MTHFS: variants seen among roughly 807,000 people sequenced by gnomAD.
The protein encoded by MTHFS is 5-formyltetrahydrofolate cyclo-ligase.
In MTHFS, 7 loss-of-function variants were observed where a neutral mutation model predicts 12.7. The ratio of observed to expected loss-of-function variants is 0.55; its 90% CI spans 0.31 to 1.03. The LOEUF is 1.03. MTHFS is among the 50% of genes least tolerant of loss of function. MTHFS has a pLI of 0.05. For synonymous variants in MTHFS, 100 were observed against 97.1 expected, an observed-to-expected ratio of 1.03 and a Z score of -0.18; for missense variants, 252 against 258.1, an observed-to-expected ratio of 0.98 and a Z score of 0.16.
At chr15:79,853,931 G>A (rs1473931218) in intron 2 of MTHFS, among the ~76,000 whole-genome samples, 2 of 152,196 alleles carry the variant, frequency 1.3e-5, no homozygotes, top group African/African-American at 4.8e-5. Flanking sequence ...CTGTGTGCTA[G>A]ACACTGTGCT....
chr15:79,868,701 G>A (rs947854554), intron 2 of MTHFS, among the ~76,000 whole-genome samples: 2 of 152,170 alleles, frequency 1.3e-5, no homozygotes, highest in Non-Finnish European at 2.9e-5. Context: ...CACATTTCCT[G>A]CACAAGGACT....
chr15:79,876,778 C>T (rs552040321), intron 2 of MTHFS: 17 of 152,222 alleles, frequency 1.1e-4, no homozygotes, highest in African/African-American at 3.9e-4. Flanking sequence ...GGCACAATGA[C>T]TCATGCCTAT....
intron 2 of MTHFS, among the ~76,000 whole-genome samples, chr15:79,856,375 T>C (rs2033802845): frequency 6.6e-6 from 1 of 152,234 alleles, no homozygotes; most frequent in East Asian, 1.9e-4. Context: ...GTTTTCTTCT[T>C]GTAAATTTAA....
rs113687001 is a variant in MTHFS, at chr15:79,880,483, T to C, written c.379+8610A>G. ...TGGATCATGTGCTATTATATCTGCA[T>C]TTCTTTGCAATACTATCAGTCATTC... is the stretch of plus-strand genomic sequence containing the variant. On this transcript the variant is annotated intron_variant, in intron 2 of 2. Coordinates refer to ENST00000258874, the MANE Select transcript of MTHFS (RefSeq NM_006441.4). Among the ~76,000 whole-genome samples, 1,244 of 152,214 alleles carry C rather than the reference T, an allele frequency of 8.2e-3. 26 individuals are homozygous for C. The highest frequency in any genetic ancestry group is 0.028 in the African/African-American group (1,172 of 41,540).
intron 2 of MTHFS, among the ~76,000 whole-genome samples, chr15:79,857,170 AT>A (rs1000226566): frequency 1.3e-5 from 2 of 151,266 alleles, no homozygotes; most frequent in Admixed American, 6.6e-5. Flanking sequence ...TAATTTTTAT[AT>A]TTTTTTAGTA....
intron 1 of MTHFS, 157 bp downstream of exon 1, chr15:79,896,715 G>A (rs752317649): frequency 7.8e-7 from 1 of 1,279,942 alleles, no homozygotes; most frequent in Non-Finnish European, 1.0e-6. Flanking sequence ...ACGACTAGGG[G>A]GCGTGCGCGC....
intron 1 of MTHFS, among the ~76,000 whole-genome samples, chr15:79,892,888 T>G (rs1381949520): frequency 1.3e-5 from 2 of 151,630 alleles, no homozygotes; most frequent in African/African-American, 4.9e-5. Flanking sequence ...GAGGCGGAGG[T>G]TGCAGTGAGC....
chr15:79,845,578 A>C (rs2033598693), intron 2 of MTHFS, 136 bp from the exon 3 acceptor site: 1 of 1,250,816 alleles, frequency 8.0e-7, no homozygotes, highest in Non-Finnish European at 1.1e-6. Flanking sequence ...ATATCCAAAA[A>C]GCACAGAGTT....
intron 2 of MTHFS, among the ~76,000 whole-genome samples, chr15:79,846,286 T>C (rs2033614059): frequency 6.6e-6 from 1 of 152,302 alleles, no homozygotes; most frequent in East Asian, 1.9e-4. Context: ...AGTGTCAGCA[T>C]AAGAGCCACA....
At chr15:79,854,565 G>A (rs1281195284) in intron 2 of MTHFS, among the ~76,000 whole-genome samples, 1 of 151,984 alleles carries the variant, frequency 6.6e-6, no homozygotes, top group African/African-American at 2.4e-5. Context: ...ACCAAAATAT[G>A]GTTATTATCA....
intron 2 of MTHFS, among the ~76,000 whole-genome samples, chr15:79,858,482 AC>A (rs2033851216): frequency 1.3e-5 from 2 of 152,292 alleles, no homozygotes; most frequent in South Asian, 4.1e-4. Flanking sequence ...TGTTTGTGTG[AC>A]TTCGGACAAG....
chr15:79,847,024 G>A (rs1408684817), intron 2 of MTHFS, among the ~76,000 whole-genome samples: 1 of 152,210 alleles, frequency 6.6e-6, no homozygotes, highest in Non-Finnish European at 1.5e-5. Context: ...ATGCACGGCA[G>A]CAGTCTCTGC....
chr15:79,860,379 A>G (rs866652950), intron 2 of MTHFS, among the ~76,000 whole-genome samples: 2 of 151,196 alleles, frequency 1.3e-5, no homozygotes, highest in African/African-American at 4.9e-5. Context: ...ACAGAGCGAG[A>G]CTCCATCTCA....
At position 79,851,135 on chromosome 15, in the gene MTHFS, G is replaced by A. The variant is rs544593748; in HGVS notation, c.380-5693C>T. On this transcript the variant is annotated intron_variant, in intron 2 of 2. Coordinates refer to ENST00000258874, the MANE Select transcript of MTHFS (RefSeq NM_006441.4). ...CGACATTGTTTTTCATTCCTGTAAG[G>A]GTTTTCTACTCTTTTTGTTAACTTA... is the stretch of plus-strand genomic sequence containing the variant. Among the ~76,000 whole-genome samples, 4 of 152,110 alleles carry A rather than the reference G, an allele frequency of 2.6e-5. No homozygotes were observed. The East Asian group carries it at 7.7e-4, about 29-fold the overall frequency.
intron 2 of MTHFS, among the ~76,000 whole-genome samples, chr15:79,866,900 G>A (rs2034021324): frequency 6.6e-6 from 1 of 152,058 alleles, no homozygotes; most frequent in Non-Finnish European, 1.5e-5. Flanking sequence ...AGGCTGCAGT[G>A]AGCTGAGATC....
chr15:79,856,306 T>C (rs1047384992), intron 2 of MTHFS, among the ~76,000 whole-genome samples: 2 of 152,224 alleles, frequency 1.3e-5, no homozygotes, highest in African/African-American at 4.8e-5. Flanking sequence ...CTTGGCCATG[T>C]ATATGTCTTC....
intron 2 of MTHFS, among the ~76,000 whole-genome samples, chr15:79,857,423 G>A (rs1033053635): frequency 5.3e-5 from 8 of 152,178 alleles, no homozygotes; most frequent in South Asian, 2.1e-4. Flanking sequence ...TGAAAGTCCT[G>A]CAACCTCTCT....
intron 2 of MTHFS, among the ~76,000 whole-genome samples, chr15:79,847,835 C>A (rs1397607694): frequency 2.0e-5 from 3 of 152,066 alleles, no homozygotes; most frequent in Non-Finnish European, 4.4e-5. Context: ...GTCCAATATC[C>A]AAAAAATAGA....
At chr15:79,858,467 T>G (rs1296603092) in intron 2 of MTHFS, among the ~76,000 whole-genome samples, 1 of 152,170 alleles carries the variant, frequency 6.6e-6, no homozygotes, top group African/African-American at 2.4e-5. Flanking sequence ...GTTTTAGCCC[T>G]CCTCTGTTTG....
Sources: allele counts gnomAD v4.1 joint callset (sites outside exome capture counted in the v4.1 genomes callset), GRCh38; gene constraint gnomAD v4.1.1; transcripts MANE v1.5; gene names NCBI Gene and HGNC (gene_info 2026-07-23, HGNC 2026-07-21).